FSIP1: variants seen among roughly 807,000 people sequenced by gnomAD.
FSIP1 encodes the protein fibrous sheath interacting protein 1, also known as fibrous sheath-interacting protein 1.
A neutral mutation model predicts 60.9 loss-of-function variants in FSIP1; 65 were observed. The observed-to-expected ratio is 1.07, with a 90% CI of 0.87 to 1.31. The LOEUF is 1.31. Among genes scored for constraint, FSIP1 ranks in the 40% most tolerant of loss-of-function variants. The pLI is 0.00. For missense variants in FSIP1, 675 were observed against 665.5 expected (o/e 1.01, Z -0.16); for synonymous variants, 209 against 221.2 (o/e 0.94, Z 0.49).
intron 10 of FSIP1, among the ~76,000 whole-genome samples, chr15:39,654,085 C>T (rs1319352046): frequency 6.6e-6 from 1 of 152,192 alleles, no homozygotes; most frequent in African/African-American, 2.4e-5. Flanking sequence ...GAGCTGTCAT[C>T]TCCTACGACA....
At chr15:39,648,955 T>A (rs543306106) in intron 10 of FSIP1, among the ~76,000 whole-genome samples, 131 of 152,094 alleles carry the variant, frequency 8.6e-4, no homozygotes, top group Non-Finnish European at 1.5e-3. Context: ...TTTTTTTTTT[T>A]ATTTGGGTTT....
At chr15:39,620,346 A>G (rs938590687) in intron 10 of FSIP1, among the ~76,000 whole-genome samples, 1 of 152,174 alleles carries the variant, frequency 6.6e-6, no homozygotes, top group African/African-American at 2.4e-5. Flanking sequence ...ATTGCCTACC[A>G]TTACAGCAAC....
At chr15:39,719,942 TC>T (rs1895889552) in intron 9 of FSIP1, among the ~76,000 whole-genome samples, 1 of 152,224 alleles carries the variant, frequency 6.6e-6, no homozygotes, top group African/African-American at 2.4e-5. Flanking sequence ...TGAAGTAACT[TC>T]TTGTTTGTTC....
intron 10 of FSIP1, among the ~76,000 whole-genome samples, chr15:39,673,835 G>T (rs1893817516): frequency 1.3e-5 from 2 of 150,836 alleles, no homozygotes; most frequent in Non-Finnish European, 1.5e-5. Context: ...AATAATAATT[G>T]GCTTATTTTT....
chr15:39,778,756 C>A (rs926861988), intron 1 of FSIP1, among the ~76,000 whole-genome samples: 9 of 151,958 alleles, frequency 5.9e-5, no homozygotes, highest in South Asian at 4.1e-4. Context: ...TAATCTGTTA[C>A]CACAGGAAAT....
chr15:39,701,252 A>G (rs952872385), intron 10 of FSIP1, among the ~76,000 whole-genome samples: 1 of 152,190 alleles, frequency 6.6e-6, no homozygotes, highest in Admixed American at 6.5e-5. Context: ...GGGTGATAAG[A>G]ATTAACATTC....
At chr15:39,647,201 G>A (rs1331993389) in intron 10 of FSIP1, among the ~76,000 whole-genome samples, 1 of 152,124 alleles carries the variant, frequency 6.6e-6, no homozygotes, top group African/African-American at 2.4e-5. Context: ...GAGGACTATA[G>A]TTAGTAATAC....
At chr15:39,710,441 G>GAAAA (rs397945950) in intron 10 of FSIP1, among the ~76,000 whole-genome samples, 2 of 74,226 alleles carry the variant, frequency 2.7e-5, no homozygotes, top group African/African-American at 4.1e-5. Flanking sequence ...CTCTGTCTCA[G>GAAAA]AAAAAAAAAA....
chr15:39,738,021 C>T lies in FSIP1; in HGVS notation c.891+70G>A, dbSNP rs549807647. On this transcript the variant is annotated intron_variant, in intron 8 of 11. Coordinates refer to ENST00000350221, the MANE Select transcript of FSIP1 (RefSeq NM_152597.5). ...GAAAAATTATTGTAAATTTATGATA[C>T]TGGGCCAATAATATTATTTTTTAAA... The T allele has an allele frequency of 2.5e-4, 217 of 882,748 alleles. 5 individuals carry two copies. The South Asian group carries it at 2.7e-3, about 11-fold the overall frequency. 54.7% of individuals were successfully genotyped at this position (882,748 alleles called of 1,614,324 possible).
rs552054421 is a variant in FSIP1, at chr15:39,652,820, C to A, written c.1189-34575G>T. Among the ~76,000 whole-genome samples, 174 of 152,190 alleles carry A rather than the reference C, an allele frequency of 1.1e-3. 2 individuals are homozygous for A. The highest frequency in any genetic ancestry group is 1.8e-3 in the Non-Finnish European group (121 of 68,014). ...CTGCATTGATTACTGTAGGAAATTA[C>A]AACAAAATGGTAAATATTTGTATAT... On this transcript the variant is annotated intron_variant, in intron 10 of 11. Coordinates refer to ENST00000350221, the MANE Select transcript of FSIP1 (RefSeq NM_152597.5).
intron 10 of FSIP1, among the ~76,000 whole-genome samples, chr15:39,645,757 G>T (rs980888376): frequency 6.6e-6 from 1 of 152,214 alleles, no homozygotes; most frequent in Non-Finnish European, 1.5e-5. Flanking sequence ...GTCCCTGAAG[G>T]CTCAGGGGTG....
intron 10 of FSIP1, among the ~76,000 whole-genome samples, chr15:39,700,931 T>C (rs376401055): frequency 3.9e-4 from 60 of 152,274 alleles, no homozygotes; most frequent in African/African-American, 1.4e-3. Flanking sequence ...ACAGGCAGAC[T>C]GCTTGAGCCC....
At chr15:39,607,593 T>G (rs1890874120) in intron 11 of FSIP1, among the ~76,000 whole-genome samples, 1 of 152,248 alleles carries the variant, frequency 6.6e-6, no homozygotes, top group South Asian at 2.1e-4. Flanking sequence ...GTGTTTCACA[T>G]TGAAAATTTT....
chr15:39,704,516 G>A (rs974692653), intron 10 of FSIP1, among the ~76,000 whole-genome samples: 8 of 152,190 alleles, frequency 5.3e-5, no homozygotes, highest in Admixed American at 3.9e-4. Context: ...TGAACTATAC[G>A]GACGTGACTT....
At chr15:39,647,158 G>C (rs1892651754) in intron 10 of FSIP1, among the ~76,000 whole-genome samples, 1 of 152,188 alleles carries the variant, frequency 6.6e-6, no homozygotes, top group East Asian at 1.9e-4. Flanking sequence ...AGACATGTAA[G>C]ATGAACAAGT....
At chr15:39,756,648 TTAAA>T (rs1477097010) in intron 5 of FSIP1, among the ~76,000 whole-genome samples, 1 of 152,006 alleles carries the variant, frequency 6.6e-6, no homozygotes, top group Non-Finnish European at 1.5e-5. Context: ...AAGCTAACTC[TTAAA>T]TAAGAGGATA....
intron 5 of FSIP1, among the ~76,000 whole-genome samples, chr15:39,750,384 T>C (rs1423394923): frequency 6.6e-6 from 1 of 151,924 alleles, no homozygotes; most frequent in Non-Finnish European, 1.5e-5. Flanking sequence ...AGAAAGGTGA[T>C]CAAATTAGTA....
At chr15:39,755,391 G>A (rs1897270772) in intron 5 of FSIP1, among the ~76,000 whole-genome samples, 1 of 152,048 alleles carries the variant, frequency 6.6e-6, no homozygotes, top group Non-Finnish European at 1.5e-5. Context: ...GAATGTAAAA[G>A]GAATTCCTAC....
At chr15:39,734,663 G>A (rs183026944) in intron 8 of FSIP1, among the ~76,000 whole-genome samples, 8 of 152,094 alleles carry the variant, frequency 5.3e-5, no homozygotes, top group African/African-American at 1.9e-4. Flanking sequence ...ATCAGAAATA[G>A]GATATTAAGT....
Sources: gnomAD v4.1 joint callset for allele counts (sites outside exome capture counted in the v4.1 genomes callset) on GRCh38, gnomAD v4.1.1 for gene constraint, MANE v1.5 for transcripts, NCBI Gene and HGNC (gene_info 2026-07-23, HGNC 2026-07-21) for gene names.